The following DNAJC10 variants were observed in gnomAD, a reference collection of about 807,000 sequenced individuals.
DNAJC10 encodes endoplasmic reticulum disulfide reductase DNAJC10.
DNAJC10 carries 101 observed loss-of-function variants against 115.0 expected under a neutral mutation model. The ratio of observed to expected loss-of-function variants is 0.88; its 90% confidence interval spans 0.75 to 1.04. The LOEUF is 1.04. Among genes scored for constraint, DNAJC10 ranks in the 50% least tolerant of loss-of-function variants. The pLI is 0.00. For synonymous variants in DNAJC10, 307 were observed against 301.5 expected (o/e 1.02, Z -0.19); for missense variants, 981 against 928.8 (o/e 1.06, Z -0.73).
At chr2:182,765,455 A>C (rs574889868) in intron 22 of DNAJC10, among the ~76,000 whole-genome samples, 1 of 152,264 alleles carries the variant, frequency 6.6e-6, no homozygotes, top group African/African-American at 2.4e-5. Flanking sequence ...CCACTTGGCA[A>C]AGGACAAGAA....
At chr2:182,743,543 C>A in intron 13 of DNAJC10, 55 bp from the exon 14 acceptor site, 3 of 1,307,742 alleles carry the variant, frequency 2.3e-6, no homozygotes, top group Non-Finnish European at 3.3e-6. Context: ...TGAATATTTA[C>A]AAATCAAATG....
intron 22 of DNAJC10, among the ~76,000 whole-genome samples, chr2:182,768,709 G>A (rs912601409): frequency 6.6e-6 from 1 of 152,116 alleles, no homozygotes; most frequent in African/African-American, 2.4e-5. Flanking sequence ...CCTGCTGTGC[G>A]CAGATGAAAA....
At chr2:182,727,099 T>G (rs1693307509) in intron 5 of DNAJC10, among the ~76,000 whole-genome samples, 3 of 151,868 alleles carry the variant, frequency 2.0e-5, no homozygotes, top group Admixed American at 2.0e-4. Flanking sequence ...ATACACTGTA[T>G]ATAGTGTAAA....
chr2:182,777,022 TGAAAAAG>T (rs1694723649), intron 23 of DNAJC10, 92 bp from the exon 24 acceptor site: 2 of 766,328 alleles, frequency 2.6e-6, no homozygotes, highest in African/African-American at 3.5e-5. Flanking sequence ...TGAGTATTTC[TGAAAAAG>T]TAAAATGTTG....
intron 10 of DNAJC10, among the ~76,000 whole-genome samples, chr2:182,735,652 T>C (rs1335256723): frequency 6.6e-6 from 1 of 152,104 alleles, no homozygotes; most frequent in East Asian, 1.9e-4. Context: ...CCCAGTTGAA[T>C]GTATGTTAGA....
At chr2:182,746,474 C>T (rs1241936501) in intron 14 of DNAJC10, among the ~76,000 whole-genome samples, 1 of 152,146 alleles carries the variant, frequency 6.6e-6, no homozygotes, top group South Asian at 2.1e-4. Context: ...TTGCATTTCT[C>T]TGATGGCCAG....
chr2:182,721,786 A>G (rs1693155757), intron 4 of DNAJC10, among the ~76,000 whole-genome samples: 1 of 152,114 alleles, frequency 6.6e-6, no homozygotes, highest in Non-Finnish European at 1.5e-5. Context: ...GAATATTACG[A>G]ACTACCGCAT....
At chr2:182,740,234 AC>A in intron 11 of DNAJC10, 64 bp from the exon 12 acceptor site, 1 of 1,209,902 alleles carries the variant, frequency 8.3e-7, no homozygotes, top group Non-Finnish European at 1.1e-6. Context: ...AATTGAAAAA[AC>A]AAAAGATATC....
intron 3 of DNAJC10, among the ~76,000 whole-genome samples, chr2:182,719,276 G>C (rs1159412318): frequency 1.1e-5 from 1 of 88,204 alleles, no homozygotes; most frequent in Non-Finnish European, 1.9e-5. Context: ...TTTTTTTTGA[G>C]ATAGGGTCTC....
intron 11 of DNAJC10, 62 bp from the exon 12 acceptor site, chr2:182,740,237 A>G (rs1393600830): frequency 6.6e-6 from 8 of 1,206,928 alleles, no homozygotes; most frequent in Non-Finnish European, 8.7e-6. Context: ...TGAAAAAACA[A>G]AAGATATCAA....
Position 182,788,566 on chromosome 2 carries a change from T to C in DNAJC10, c.*11434T>C, listed in dbSNP as rs1694992182. On this transcript the variant is annotated 3_prime_UTR_variant, in exon 24 of 24. Coordinates refer to ENST00000264065, the MANE Select transcript of DNAJC10 (RefSeq NM_018981.4). The stretch of plus-strand genomic sequence containing the variant: ...ATATCTTGGAAATAAGGATGGACAG[T>C]TTAAGTACTTATCTCAAAAGGAAAA... The C allele has an allele frequency of 4.1e-6, 1 of 246,696 alleles. No homozygotes were observed. The highest frequency in any genetic ancestry group is 5.4e-5 in the Admixed American group (1 of 18,428). 15.3% of individuals were successfully genotyped at this position (246,696 alleles called of 1,614,324 possible). A position where few individuals can be genotyped will look rare whatever the true frequency, so the allele number is the denominator to read the frequency against.
chr2:182,754,607 A>G (rs972313399), intron 16 of DNAJC10: 1 of 201,282 alleles, frequency 5.0e-6, no homozygotes, highest in African/African-American at 2.4e-5. Context: ...CCTGATCATC[A>G]TCTATTTCTA....
At chr2:182,723,061 A>G (rs1693194451) in intron 5 of DNAJC10, among the ~76,000 whole-genome samples, 2 of 98,610 alleles carry the variant, frequency 2.0e-5, no homozygotes, top group African/African-American at 8.5e-5. Context: ...TTTTTTTGAG[A>G]CGGAGTCTTG....
intron 14 of DNAJC10, among the ~76,000 whole-genome samples, chr2:182,747,102 G>C (rs962961699): frequency 6.6e-6 from 1 of 151,934 alleles, no homozygotes; most frequent in African/African-American, 2.4e-5. Context: ...CTCTGTTTTG[G>C]TACCAGTACC....
Position 182,762,793 on chromosome 2 carries a change from A to G in DNAJC10, c.2257A>G (p.Arg753Gly). Reference sequence around the variant, plus strand: ...AACTGTTAAATTTTATTTCTACGAAAGAGCAAAGGTATGTCCAGACTTTCC... The same window carrying G: ...AACTGTTAAATTTTATTTCTACGAAGGAGCAAAGGTATGTCCAGACTTTCC... ...YPTVKFYFYERAKRNFQEEQI... is the reference protein window; with the variant it reads ...YPTVKFYFYEGAKRNFQEEQI... The change falls in exon 22 of 24, where the codon AGA becomes GGA. Residue 753 changes from arginine (R) to glycine (G), a missense_variant. Coordinates refer to ENST00000264065, the MANE Select transcript of DNAJC10 (RefSeq NM_018981.4). 1 of 1,611,878 alleles carries G rather than the reference A, an allele frequency of 6.2e-7. No homozygotes were observed. Among genetic ancestry groups the G allele is most frequent in the Non-Finnish European group, 8.5e-7 (1 of 1,178,448 alleles).
rs1264211169 is a variant in DNAJC10 at position 182,789,531 on chromosome 2, CT to C, written c.*12404del. 2.0e-5 allele frequency: 3 copies of C among 152,166 alleles called. No homozygotes were observed. Among genetic ancestry groups the C allele is most frequent in the African/African-American group, 7.2e-5 (3 of 41,436 alleles). The allele number at this position is 152,166 out of a possible 1,614,324, so 9.4% of individuals were successfully genotyped here. On this transcript the variant is annotated 3_prime_UTR_variant, in exon 24 of 24. Coordinates refer to ENST00000264065, the MANE Select transcript of DNAJC10 (RefSeq NM_018981.4). Reference sequence around the variant, plus strand: ...CCACCGCACCCAGCCAATTTTCTTCCTTTTTAAGGCTGAATAATATTCAATT... The same window carrying C: ...CCACCGCACCCAGCCAATTTTCTTCCTTTTAAGGCTGAATAATATTCAATT...
chr2:182,733,526 T>C (rs1415509884), intron 10 of DNAJC10, among the ~76,000 whole-genome samples: 1 of 151,716 alleles, frequency 6.6e-6, no homozygotes, highest in East Asian at 1.9e-4. Flanking sequence ...TTTTTTTTAA[T>C]ATTTGGTGAT....
intron 14 of DNAJC10, 107 bp from the exon 15 acceptor site, chr2:182,751,551 G>T (rs1320950889): frequency 1.5e-6 from 2 of 1,309,500 alleles, no homozygotes; most frequent in East Asian, 4.6e-5. Flanking sequence ...AAATCAATTT[G>T]TTCATAATTT....
chr2:182,773,824 A>G (rs1185470125), intron 22 of DNAJC10, among the ~76,000 whole-genome samples: 1 of 152,106 alleles, frequency 6.6e-6, no homozygotes, highest in Non-Finnish European at 1.5e-5. Flanking sequence ...TCTGAAGTCT[A>G]CTTCTGTCAA....
Sources: gnomAD v4.1 joint callset for allele counts (sites outside exome capture counted in the v4.1 genomes callset) on GRCh38, gnomAD v4.1.1 for gene constraint, MANE v1.5 for transcripts, NCBI Gene and HGNC (gene_info 2026-07-23, HGNC 2026-07-21) for gene names.